MYBPC2: variants seen among roughly 807,000 people sequenced by gnomAD.
The protein encoded by MYBPC2 is myosin binding protein C2, also known as myosin-binding protein C, fast-type.
MYBPC2 carries 122 observed loss-of-function variants against 137.0 expected under a neutral mutation model. The observed-to-expected ratio is 0.89, with a 90% CI of 0.77 to 1.03. The LOEUF (loss-of-function observed/expected upper bound fraction) is 1.03, where lower values mean the gene tolerates loss of function less well. MYBPC2 is among the 50% of genes least tolerant of loss of function. The probability of loss-of-function intolerance (pLI) is 0.00; values close to 1 mark genes in which losing one functional copy is unlikely to be tolerated. For synonymous variants in MYBPC2, 626 were observed against 612.3 expected (o/e 1.02, Z -0.33); for missense variants, 1,500 against 1,534.4 (o/e 0.98, Z 0.37).
chr19:50,452,060 C>A lies in MYBPC2; in HGVS notation c.1749+57C>A. ...CCTTTCCGTTTAGGCAAGTCTCTTT[C>A]CCCCTGAGCCTGAGTTTCATCCTCT... On this transcript the variant is annotated intron_variant, in intron 16 of 27. Coordinates refer to ENST00000357701, the MANE Select transcript of MYBPC2 (RefSeq NM_004533.4). The A allele has an allele frequency of 2.7e-6, 4 of 1,502,562 alleles. No homozygotes were observed. The South Asian group carries it at 4.8e-5, about 18-fold the overall frequency. The allele number at this position is 1,502,562 out of a possible 1,614,324, so 93.1% of individuals were successfully genotyped here.
In MYBPC2 at chr19:50,442,329, G is replaced by A; in HGVS notation, c.902+16G>A. The A allele has an allele frequency of 1.2e-6, 2 of 1,605,248 alleles. No homozygotes were observed. The highest frequency in any genetic ancestry group is 1.7e-5 in the Admixed American group (1 of 58,646). ...CAAGCAGCAAGTATGTGTGGGGTGG[G>A]CAGTCCCTGCACCGGGGAGATCCCC... On this transcript the variant is annotated intron_variant, in intron 9 of 27. Transcript: ENST00000357701.
intron 9 of MYBPC2, among the ~76,000 whole-genome samples, chr19:50,442,881 G>C (rs1312163459): frequency 6.6e-6 from 1 of 151,386 alleles, no homozygotes; most frequent in Non-Finnish European, 1.5e-5. Flanking sequence ...AGGTTCAAGA[G>C]ATTCTCCTGC....
intron 20 of MYBPC2, among the ~76,000 whole-genome samples, chr19:50,456,187 A>C (rs1437023219): frequency 6.9e-6 from 1 of 143,892 alleles, no homozygotes; most frequent in East Asian, 2.1e-4. Context: ...CCATCCATCC[A>C]TCCATTTATC....
intron 24 of MYBPC2, among the ~76,000 whole-genome samples, chr19:50,461,081 G>A (rs1189408897): frequency 6.6e-6 from 1 of 151,160 alleles, no homozygotes; most frequent in Non-Finnish European, 1.5e-5. Flanking sequence ...ATGGCTCACT[G>A]CAGCCTCCAA....
Position 50,464,357 on chromosome 19 carries a change from C to G in MYBPC2, c.3240C>G (p.Val1080=), listed in dbSNP as rs778962090. The G allele has an allele frequency of 1.2e-6, 2 of 1,606,628 alleles. No individual in the cohort carries two copies. The highest frequency in any genetic ancestry group is 2.2e-5 in the South Asian group (2 of 89,162). ...TTGACTCTCAACAGCCGAAGGTGGT[C>G]TGGATGAAGAACAAGATGGAAATCC... ...AVRGHPKPKV[V]WMKNKMEIRE... The change falls in exon 27 of 28, where the codon GTC becomes GTG. Residue 1080 remains valine, a synonymous_variant. Transcript: ENST00000357701.
chr19:50,459,031 G>C, intron 22 of MYBPC2, 25 bp downstream of exon 22: 2 of 1,591,836 alleles, frequency 1.3e-6, no homozygotes, highest in South Asian at 1.1e-5. Context: ...GTCACGGGCC[G>C]GGGGTCCGCT....
rs766534222 is a variant in MYBPC2 at position 50,445,922 on chromosome 19, G to A, written c.1176G>A (p.Lys392=). 1 of 1,610,220 alleles carries A rather than the reference G, an allele frequency of 6.2e-7. No homozygotes were observed. Among genetic ancestry groups the A allele is most frequent in the African/African-American group, 1.3e-5 (1 of 74,848 alleles). The part of the protein sequence containing the change: ...GVELTREDSF[K]ARYRFKKDGK... ...AACTGACTCGGGAGGATTCCTTCAA[G>A]GCCCGGTACCGCTTCAAGAAGGACG... The change falls in exon 12 of 28, where the codon AAG becomes AAA. Residue 392 remains lysine (K), a synonymous_variant. Coordinates refer to ENST00000357701, the MANE Select transcript of MYBPC2 (RefSeq NM_004533.4).
intron 4 of MYBPC2, 116 bp downstream of exon 4, chr19:50,436,276 G>A (rs1231157157): frequency 2.1e-6 from 3 of 1,435,974 alleles, no homozygotes; most frequent in East Asian, 2.5e-5. Context: ...GGGATGGAGA[G>A]TGGGCCCTCT....
intron 18 of MYBPC2, 145 bp downstream of exon 18, chr19:50,454,514 C>T: frequency 1.4e-6 from 1 of 702,022 alleles, no homozygotes; most frequent in Non-Finnish European, 2.3e-6. Context: ...CAACCTCTGC[C>T]TCCTGGGTAC....
rs2039907197 is a variant in MYBPC2, at chr19:50,456,006, GTCCA to G, written c.2338+369_2338+372del. Among the ~76,000 whole-genome samples, 3 of 150,042 alleles carry G rather than the reference GTCCA, an allele frequency of 2.0e-5. No individual in the cohort carries two copies. The South Asian group carries it at 6.4e-4, about 32-fold the overall frequency. The stretch of plus-strand genomic sequence containing the variant: ...TTAACATCCACCCATCCATCCATCT[GTCCA>G]TCCATCTGTCCACCCATCTGTACAT... On this transcript the variant is annotated intron_variant, in intron 20 of 27. Coordinates refer to ENST00000357701, the MANE Select transcript of MYBPC2 (RefSeq NM_004533.4).
chr19:50,442,543 C>A lies in MYBPC2; in HGVS notation c.902+230C>A, dbSNP rs530832491. 4.6e-5 allele frequency among the ~76,000 whole-genome samples: 7 copies of A among 152,056 alleles called. No individual in the cohort carries two copies. The East Asian group carries it at 1.4e-3, about 30-fold the overall frequency. On this transcript the variant is annotated intron_variant, in intron 9 of 27. Coordinates refer to ENST00000357701, the MANE Select transcript of MYBPC2 (RefSeq NM_004533.4). ...CAGCCTGGCTAACATGGTGAAACCCCATTTCTACTAAAAATACAAAAAATT... is the reference window on the plus strand; with the variant it reads ...CAGCCTGGCTAACATGGTGAAACCCAATTTCTACTAAAAATACAAAAAATT...
At chr19:50,451,422 C>T in intron 15 of MYBPC2, 113 bp downstream of exon 15, 7 of 408,060 alleles carry the variant, frequency 1.7e-5, no homozygotes, top group East Asian at 1.0e-4. Flanking sequence ...GGGCGGGGTG[C>T]GGGAGGATGA....
chr19:50,441,218 G>T (rs1296845494), intron 8 of MYBPC2, 142 bp downstream of exon 8: 4 of 894,100 alleles, frequency 4.5e-6, no homozygotes, highest in Non-Finnish European at 6.4e-6. Flanking sequence ...GGTGGGCCTC[G>T]GACACCAGAC....
At position 50,459,121 on chromosome 19, in the gene MYBPC2, G is replaced by A. The variant is rs1202287596; in HGVS notation, c.2606G>A (p.Arg869Gln). 3.5e-6 allele frequency: 4 copies of A among 1,138,288 alleles called. No homozygotes were observed. Among genetic ancestry groups the A allele is most frequent in the African/African-American group, 3.2e-5 (2 of 62,944 alleles). The allele number at this position is 1,138,288 out of a possible 1,614,324, so 70.5% of individuals were successfully genotyped here. A position where few individuals can be genotyped will look rare whatever the true frequency, so the allele number is the denominator to read the frequency against. The change falls in exon 23 of 28, where the codon CGG (arginine) becomes CAG (glutamine). Residue 869 changes from arginine (R) to glutamine (Q), a missense_variant. By Grantham distance (43) the Arg-to-Gln change is conservative (BLOSUM62 1). Coordinates refer to ENST00000357701, the MANE Select transcript of MYBPC2 (RefSeq NM_004533.4). ...GCCCTCTCCCCGCAGGGAAAGCCCCGGCCCCAGGTGGTGTGGACCAAGGGC... is the reference window on the plus strand; with the variant it reads ...GCCCTCTCCCCGCAGGGAAAGCCCCAGCCCCAGGTGGTGTGGACCAAGGGC... ...NLVVPFQGKPRPQVVWTKGGA... is the reference protein window; with the variant it reads ...NLVVPFQGKPQPQVVWTKGGA...
intron 13 of MYBPC2, 139 bp downstream of exon 13, chr19:50,448,529 C>T (rs751245939): frequency 1.4e-5 from 16 of 1,177,442 alleles, no homozygotes; most frequent in South Asian, 3.1e-5. Context: ...AGTGCAATGG[C>T]GCGATCTCAG....
Position 50,435,669 on chromosome 19 carries a change from T to C in MYBPC2, c.110-107T>C. 1.1e-6 allele frequency: 1 copy of C among 924,278 alleles called. No individual in the cohort carries two copies. Among genetic ancestry groups the C allele is most frequent in the Non-Finnish European group, 1.6e-6 (1 of 620,922 alleles). 57.3% of individuals were successfully genotyped at this position (924,278 alleles called of 1,614,324 possible). On this transcript the variant is annotated intron_variant, in intron 2 of 27. Coordinates refer to ENST00000357701, the MANE Select transcript of MYBPC2 (RefSeq NM_004533.4). This position sits in a 1 kb window ranked among gnomAD's most constrained non-coding sequence, Gnocchi z 4.8. ...TTTAACCCCCATGATGTTTGGTTTC[T>C]GAGTAGAGGGGCCCTCACTGTCTCT... is the stretch of plus-strand genomic sequence containing the variant.
intron 12 of MYBPC2, among the ~76,000 whole-genome samples, chr19:50,447,336 G>A (rs888533937): frequency 1.3e-5 from 2 of 151,890 alleles, no homozygotes; most frequent in Non-Finnish European, 2.9e-5. Context: ...AAGCTCTAGG[G>A]GTCTATAATT....
Position 50,442,414 on chromosome 19 carries a change from C to T in MYBPC2, c.902+101C>T, listed in dbSNP as rs2039764684. ...CTCTTAACCAGAAAGGGCATATTCA[C>T]CCCTATATGAAGAGTACAGGCCGGG... On this transcript the variant is annotated intron_variant, in intron 9 of 27. Transcript: ENST00000357701. 6 of 1,476,620 alleles carry T rather than the reference C, an allele frequency of 4.1e-6. No individual in the cohort carries two copies. In the Middle Eastern group the frequency reaches 7.8e-4, roughly 191 times the overall value. 91.5% of individuals were successfully genotyped at this position (1,476,620 alleles called of 1,614,324 possible).
At chr19:50,459,827 A>C (rs987586445) in intron 23 of MYBPC2, among the ~76,000 whole-genome samples, 3 of 132,244 alleles carry the variant, frequency 2.3e-5, no homozygotes, top group African/African-American at 5.8e-5. Flanking sequence ...AAGTGGGGAG[A>C]CATGGGGGTG....
Sources: allele counts gnomAD v4.1 joint callset (sites outside exome capture counted in the v4.1 genomes callset), GRCh38; gene constraint gnomAD v4.1.1; non-coding constraint Gnocchi (gnomAD v3.1); transcripts MANE v1.5; gene names NCBI Gene and HGNC (gene_info 2026-07-23, HGNC 2026-07-21).